The following ERBIN variants were observed in gnomAD, a reference collection of about 807,000 sequenced individuals.
ERBIN encodes the protein densin-180-like protein.
ERBIN carries 60 observed loss-of-function variants against 158.4 expected under a neutral mutation model. The ratio of observed to expected loss-of-function variants is 0.38; its 90% confidence interval spans 0.31 to 0.47. The LOEUF (loss-of-function observed/expected upper bound fraction) is 0.47. Ranked by LOEUF, ERBIN falls within the 20% of genes least tolerant of loss-of-function variation. ERBIN has a pLI of 0.99. For synonymous variants in ERBIN, 594 were observed against 557.2 expected (o/e 1.07, Z -0.93); for missense variants, 1,610 against 1,648.0 (o/e 0.98, Z 0.40).
intron 13 of ERBIN, among the ~76,000 whole-genome samples, chr5:66,027,857 G>A (rs1217305597): frequency 6.6e-6 from 1 of 151,978 alleles, no homozygotes; most frequent in Non-Finnish European, 1.5e-5. Context: ...CACAAATAGA[G>A]AGCAGTGCAG....
intron 14 of ERBIN, among the ~76,000 whole-genome samples, chr5:66,030,781 G>A (rs1756785768): frequency 6.6e-6 from 1 of 151,504 alleles, no homozygotes; most frequent in South Asian, 2.1e-4. Flanking sequence ...ATATTGCCCA[G>A]GCTGGTCTTG....
Position 66,017,725 on chromosome 5 carries a change from A to C in ERBIN, c.533+3000A>C, listed in dbSNP as rs145440340. On this transcript the variant is annotated intron_variant, in intron 7 of 25. Coordinates refer to ENST00000284037, the MANE Select transcript of ERBIN (RefSeq NM_001253697.2). Reference sequence around the variant, plus strand: ...ATTGCCTGTGGTTTTGAGGTCTTACACAAAAAAATCTTTGCCCAAACCAGT... The same window carrying C: ...ATTGCCTGTGGTTTTGAGGTCTTACCCAAAAAAATCTTTGCCCAAACCAGT... Among the ~76,000 whole-genome samples the C allele has an allele frequency of 5.4e-3, 823 of 152,144 alleles. 2 individuals carry two copies. Among genetic ancestry groups the C allele is most frequent in the Non-Finnish European group, 9.2e-3 (623 of 67,992 alleles).
At chr5:66,075,916 T>C (rs961222936) in intron 23 of ERBIN, among the ~76,000 whole-genome samples, 16 of 152,176 alleles carry the variant, frequency 1.1e-4, no homozygotes, top group Non-Finnish European at 1.9e-4. Flanking sequence ...AGATATCTTA[T>C]GTAACAAGCC....
At chr5:66,076,849 TTAAA>T in intron 24 of ERBIN, 22 bp from the exon 25 acceptor site, 1 of 1,546,190 alleles carries the variant, frequency 6.5e-7, no homozygotes, top group Non-Finnish European at 8.9e-7. Flanking sequence ...CTGTTTTTAG[TTAAA>T]TAATTTTTTT....
intron 22 of ERBIN, among the ~76,000 whole-genome samples, chr5:66,072,797 A>C (rs531779988): frequency 1.1e-4 from 16 of 152,200 alleles, no homozygotes; most frequent in Non-Finnish European, 2.1e-4. Flanking sequence ...TGCCAGACAG[A>C]TAATTTTTTA....
At chr5:65,996,912 A>C (rs982889418) in intron 4 of ERBIN, among the ~76,000 whole-genome samples, 1 of 152,050 alleles carries the variant, frequency 6.6e-6, no homozygotes, top group Non-Finnish European at 1.5e-5. Context: ...TGTTTTCTTA[A>C]TAACCTTTTC....
chr5:65,948,010 CA>C (rs34947340), intron 1 of ERBIN, among the ~76,000 whole-genome samples: 256 of 134,306 alleles, frequency 1.9e-3, no homozygotes, highest in African/African-American at 4.2e-3. Context: ...AACTGCATTT[CA>C]AAAAAAAAAA....
chr5:66,058,849 T>C (rs9686691), intron 21 of ERBIN, among the ~76,000 whole-genome samples: 1 of 151,470 alleles, frequency 6.6e-6, no homozygotes, highest in Admixed American at 6.6e-5. Flanking sequence ...TAGTTGTAGA[T>C]ATGCGGCATT....
In ERBIN at chr5:66,013,543, A is replaced by C; in HGVS notation, c.387-6A>C. ...AACTTAACTTAAATTCTGGTATTTT[A>C]TGTAGGCTCCCTGATGGATTTTCTC... On this transcript the variant is annotated splice_polypyrimidine_tract_variant and splice_region_variant and intron_variant, in intron 5 of 25. Transcript: ENST00000284037. 1 of 1,582,688 alleles carries C rather than the reference A, an allele frequency of 6.3e-7. No individual in the cohort carries two copies. Among genetic ancestry groups the C allele is most frequent in the Non-Finnish European group, 8.7e-7 (1 of 1,152,206 alleles).
At position 66,046,407 on chromosome 5, in the gene ERBIN, A is replaced by G. The variant is rs1430838149; in HGVS notation, c.1657A>G (p.Met553Val). 2 of 1,605,510 alleles carry G rather than the reference A, an allele frequency of 1.2e-6. No individual in the cohort carries two copies. ...KSKVDEREKY[M>V]IGNSVQKISE... ...CAAAGTTGATGAAAGAGAAAAATAT[A>G]TGATAGGAAACTCTGTACAGAAGAT... The change falls in exon 18 of 26, where the codon ATG becomes GTG. Residue 553 changes from methionine to valine, a missense_variant. Around this residue, in one of 2 missense-constraint regions of ERBIN, gnomAD observed 596 missense variants for 711.9 expected, o/e 0.84. Transcript: ENST00000284037.
chr5:65,933,450 C>T (rs1743688748), intron 1 of ERBIN, among the ~76,000 whole-genome samples: 1 of 152,158 alleles, frequency 6.6e-6, no homozygotes, highest in Non-Finnish European at 1.5e-5. Flanking sequence ...GCTTACTGTT[C>T]CTCAGGAGGC....
chr5:65,976,179 A>G (rs994592117), intron 1 of ERBIN, among the ~76,000 whole-genome samples: 1 of 152,190 alleles, frequency 6.6e-6, no homozygotes, highest in African/African-American at 2.4e-5. Context: ...AATCCAGTCA[A>G]GACTGTATGA....
chr5:66,052,862 A>G (rs560918873), intron 20 of ERBIN, among the ~76,000 whole-genome samples: 40 of 152,288 alleles, frequency 2.6e-4, no homozygotes, highest in African/African-American at 9.1e-4. Context: ...ACTTTGGACA[A>G]TTATTCAGTT....
chr5:65,958,863 G>A (rs756127799), intron 1 of ERBIN, among the ~76,000 whole-genome samples: 2 of 152,096 alleles, frequency 1.3e-5, no homozygotes, highest in Non-Finnish European at 2.9e-5. Context: ...CCAACTGCAG[G>A]GTAATGTAAG....
At chr5:65,938,371 C>CTTT (rs4019046) in intron 1 of ERBIN, among the ~76,000 whole-genome samples, 52 of 121,630 alleles carry the variant, frequency 4.3e-4, no homozygotes, top group African/African-American at 1.5e-3. Context: ...AGGCATAGGT[C>CTTT]TTTTTTTTTT....
At chr5:65,990,194 A>G (rs1751708419) in intron 2 of ERBIN, among the ~76,000 whole-genome samples, 1 of 152,216 alleles carries the variant, frequency 6.6e-6, no homozygotes, top group African/African-American at 2.4e-5. Context: ...AATTGTTTTA[A>G]GAACCTTCCT....
In ERBIN at chr5:66,043,139, C is replaced by T. The variant is rs1379630276; in HGVS notation, c.1369C>T (p.Arg457Trp). The change falls in exon 16 of 26, where the codon CGG (arginine) becomes TGG (tryptophan). Residue 457 changes from arginine (R) to tryptophan (W), a missense_variant. Physicochemically the swap from Arg to Trp is moderately radical, Grantham distance 101. Coordinates refer to ENST00000284037, the MANE Select transcript of ERBIN (RefSeq NM_001253697.2). ...PSLWEEQRKQRAQVAFECDED... is the reference protein window; with the variant it reads ...PSLWEEQRKQWAQVAFECDED... ...ATTGTGGGAGGAACAGAGGAAACAG[C>T]GGGCTCAAGTTGCATTTGAATGTGA... 2.0e-5 allele frequency: 32 copies of T among 1,612,048 alleles called. No homozygotes were observed. The highest frequency in any genetic ancestry group is 3.3e-5 in the Admixed American group (2 of 59,946).
At chr5:65,976,519 TC>T (rs1385332992) in intron 1 of ERBIN, among the ~76,000 whole-genome samples, 1 of 148,980 alleles carries the variant, frequency 6.7e-6, no homozygotes, top group African/African-American at 2.6e-5. Context: ...TTTTCTTTTT[TC>T]TTTTTTTTTT....
chr5:66,067,479 C>T (rs546434953), intron 21 of ERBIN, among the ~76,000 whole-genome samples: 43 of 152,254 alleles, frequency 2.8e-4, no homozygotes, highest in African/African-American at 8.9e-4. Context: ...CATGGAAGAA[C>T]GGCAGTTCAT....
Sources: gnomAD v4.1 joint callset for allele counts (sites outside exome capture counted in the v4.1 genomes callset) on GRCh38, gnomAD v4.1.1 for gene constraint, gnomAD v4.1.1 regional missense constraint, MANE v1.5 for transcripts, NCBI Gene and HGNC (gene_info 2026-07-23, HGNC 2026-07-21) for gene names.